The following SHB variants were observed in gnomAD, a reference collection of about 807,000 sequenced individuals.
The protein encoded by SHB is SH2 domain-containing adapter protein B.
SHB carries 20 observed loss-of-function variants against 52.3 expected under a neutral mutation model. That is an observed-to-expected ratio of 0.38 (90% CI 0.27 to 0.56). SHB has a LOEUF of 0.56. Among genes scored for constraint, SHB ranks in the 20% least tolerant of loss-of-function variants. The probability of loss-of-function intolerance (pLI) is 0.71; values close to 1 mark genes in which losing one functional copy is unlikely to be tolerated. For missense variants in SHB, 825 were observed against 723.3 expected, an observed-to-expected ratio of 1.14 and a Z score of -1.61; for synonymous variants, 397 against 316.5, an observed-to-expected ratio of 1.25 and a Z score of -2.70.
intron 3 of SHB, among the ~76,000 whole-genome samples, chr9:37,963,698 G>A (rs539739501): frequency 3.9e-5 from 6 of 152,218 alleles, no homozygotes; most frequent in Middle Eastern, 3.4e-3. Context: ...GTAGTTGTGC[G>A]ACCCCAGGAA....
chr9:37,932,817 G>A (rs1445666630), intron 5 of SHB, among the ~76,000 whole-genome samples: 1 of 152,118 alleles, frequency 6.6e-6, no homozygotes, highest in Non-Finnish European at 1.5e-5. Context: ...GTCTCACGAC[G>A]TTGCCCAGGC....
intron 5 of SHB, among the ~76,000 whole-genome samples, chr9:37,929,171 T>C (rs1419850999): frequency 6.6e-6 from 1 of 152,142 alleles, no homozygotes; most frequent in Non-Finnish European, 1.5e-5. Context: ...ATCTGGGAAG[T>C]AGAGCTTTCA....
At chr9:37,982,478 GCAAAACTCCGTCT>G (rs1820744784) in intron 2 of SHB, among the ~76,000 whole-genome samples, 2 of 151,952 alleles carry the variant, frequency 1.3e-5, no homozygotes, top group African/African-American at 4.8e-5. Flanking sequence ...GGGCAAAAGA[GCAAAACTCCGTCT>G]CAAAAAAAAT....
chr9:38,055,732 A>G (rs969585344), intron 1 of SHB, among the ~76,000 whole-genome samples: 6 of 152,100 alleles, frequency 3.9e-5, no homozygotes, highest in Non-Finnish European at 7.4e-5. Context: ...GACTCAGCCC[A>G]GTGCTGGAAT....
intron 5 of SHB, among the ~76,000 whole-genome samples, chr9:37,945,739 C>T (rs1478376682): frequency 6.6e-6 from 1 of 152,170 alleles, no homozygotes; most frequent in Non-Finnish European, 1.5e-5. Context: ...TCCCAGTCTC[C>T]CTCGACGTCC....
intron 1 of SHB, among the ~76,000 whole-genome samples, chr9:38,046,014 G>A (rs774626438): frequency 2.6e-5 from 4 of 152,052 alleles, no homozygotes; most frequent in Admixed American, 6.6e-5. Context: ...ATCACCTGAG[G>A]TCAGGAGTTC....
Position 37,998,380 on chromosome 9 carries a change from G to T in SHB, c.838+17631C>A, listed in dbSNP as rs901169109. On this transcript the variant is annotated intron_variant, in intron 2 of 5. Transcript: ENST00000377707. ...CACAACCTCCCCCACCACCCTCAGG[G>T]CCAGATACATGGTCTCTGCATCGCC... Among the ~76,000 whole-genome samples the T allele has an allele frequency of 1.3e-5, 2 of 152,158 alleles. 1 individual carries two copies. Among genetic ancestry groups the T allele is most frequent in the South Asian group, 4.2e-4 (2 of 4,814 alleles).
chr9:37,939,942 C>CA (rs1832416884), intron 5 of SHB, among the ~76,000 whole-genome samples: 1 of 152,142 alleles, frequency 6.6e-6, no homozygotes, highest in Non-Finnish European at 1.5e-5. Flanking sequence ...TACAGCAGCC[C>CA]AGAGCAGGTG....
chr9:37,942,796 G>A (rs1435322342), intron 5 of SHB, among the ~76,000 whole-genome samples: 1 of 152,112 alleles, frequency 6.6e-6, no homozygotes, highest in Non-Finnish European at 1.5e-5. Context: ...GGTCTCCTGG[G>A]ATGCCTGCCC....
intron 4 of SHB, among the ~76,000 whole-genome samples, chr9:37,955,070 TCTAA>T (rs1832613004): frequency 6.6e-6 from 1 of 152,078 alleles, no homozygotes; most frequent in African/African-American, 2.4e-5. Context: ...CTCGCCCAAC[TCTAA>T]CAGTATCAAG....
At chr9:38,020,125 A>T (rs1416593744) in intron 1 of SHB, among the ~76,000 whole-genome samples, 1 of 152,242 alleles carries the variant, frequency 6.6e-6, no homozygotes, top group East Asian at 1.9e-4. Context: ...TGGGGTGCTT[A>T]GGGGAAGTCA....
chr9:38,048,905 TCTCA>T (rs1179119598), intron 1 of SHB, among the ~76,000 whole-genome samples: 1 of 152,226 alleles, frequency 6.6e-6, no homozygotes, highest in African/African-American at 2.4e-5. Context: ...CATGTTGCTC[TCTCA>T]CTGTTTCCAG....
At chr9:37,935,270 A>G (rs1832355706) in intron 5 of SHB, among the ~76,000 whole-genome samples, 1 of 152,102 alleles carries the variant, frequency 6.6e-6, no homozygotes, top group Non-Finnish European at 1.5e-5. Context: ...GCCTCTGAGA[A>G]CACTCTGCAG....
At chr9:37,949,702 G>A (rs140354714) in intron 4 of SHB, among the ~76,000 whole-genome samples, 229 of 152,306 alleles carry the variant, frequency 1.5e-3, no homozygotes, top group African/African-American at 5.4e-3. Flanking sequence ...TGATGGGAGG[G>A]CCACGCTCTG....
At chr9:38,042,678 T>C (rs1047237297) in intron 1 of SHB, among the ~76,000 whole-genome samples, 1 of 152,174 alleles carries the variant, frequency 6.6e-6, no homozygotes, top group Non-Finnish European at 1.5e-5. Context: ...GACAGGCTCT[T>C]GGAAGGCTGG....
Position 38,068,239 on chromosome 9 carries a change from G to T in SHB, c.407C>A (p.Ala136Asp). Residue 136 changes from alanine (A) to aspartate (D), a missense_variant, in exon 1 of 6, where the codon GCC (alanine) becomes GAC (aspartate). Coordinates refer to ENST00000377707, the MANE Select transcript of SHB (RefSeq NM_003028.3). ...CGAGGAGGCGCAGCAACAGCCCGCG[G>T]CGCCCGACGCGGACGAGGCCGAGAA... ...RAFSASSASG[A>D]AGCCCASSGA... 7.1e-7 allele frequency: 1 copy of T among 1,399,218 alleles called. No individual in the cohort carries two copies. Among genetic ancestry groups the T allele is most frequent in the South Asian group, 1.6e-5 (1 of 62,392 alleles). 86.7% of individuals were successfully genotyped at this position (1,399,218 alleles called of 1,614,324 possible). A position where few individuals can be genotyped will look rare whatever the true frequency, so the allele number is the denominator to read the frequency against.
intron 2 of SHB, among the ~76,000 whole-genome samples, chr9:38,000,676 T>C (rs1056033032): frequency 1.3e-5 from 2 of 152,228 alleles, no homozygotes; most frequent in African/African-American, 4.8e-5. Flanking sequence ...CCAAAGTCTT[T>C]GGGGGCTGCT....
intron 2 of SHB, among the ~76,000 whole-genome samples, chr9:38,007,280 A>G (rs1821085608): frequency 6.6e-6 from 1 of 152,208 alleles, no homozygotes; most frequent in African/African-American, 2.4e-5. Flanking sequence ...TCTTCTCCAT[A>G]CAGACTTGCA....
chr9:37,997,977 C>T (rs1266993055), intron 2 of SHB, among the ~76,000 whole-genome samples: 6 of 152,234 alleles, frequency 3.9e-5, no homozygotes, highest in East Asian at 3.9e-4. Flanking sequence ...TTCTTCCTGG[C>T]TTGTGGTACC....
Sources: gnomAD v4.1 joint callset for allele counts (sites outside exome capture counted in the v4.1 genomes callset) on GRCh38, gnomAD v4.1.1 for gene constraint, MANE v1.5 for transcripts, NCBI Gene and HGNC (gene_info 2026-07-23, HGNC 2026-07-21) for gene names.